The following TBC1D22B variants were observed in gnomAD, a reference collection of about 807,000 sequenced individuals.
TBC1D22B encodes the protein TBC1 domain family member 22B.
TBC1D22B carries 32 observed loss-of-function variants against 69.1 expected under a neutral mutation model. That is an observed-to-expected ratio of 0.46 (90% CI 0.35 to 0.62). TBC1D22B has a LOEUF of 0.62. Ranked by LOEUF, TBC1D22B falls within the 20% of genes least tolerant of loss-of-function variation. The pLI is 0.00. For missense variants in TBC1D22B, 462 were observed against 630.9 expected (o/e 0.73, Z 2.87); for synonymous variants, 206 against 229.8 (o/e 0.90, Z 0.94).
intron 8 of TBC1D22B, among the ~76,000 whole-genome samples, chr6:37,303,875 G>T (rs985108327): frequency 6.6e-6 from 1 of 152,106 alleles, no homozygotes; most frequent in Non-Finnish European, 1.5e-5. Flanking sequence ...TTTCTCCTGT[G>T]GCACTTTACC....
intron 3 of TBC1D22B, 74 bp from the exon 4 acceptor site, chr6:37,282,111 C>T (rs940501226): frequency 7.2e-6 from 11 of 1,520,744 alleles, no homozygotes; most frequent in South Asian, 5.6e-5. Context: ...CAATGCTGAA[C>T]GGTTAGGTTT....
At chr6:37,268,355 A>G (rs1469572724) in intron 1 of TBC1D22B, among the ~76,000 whole-genome samples, 2 of 152,008 alleles carry the variant, frequency 1.3e-5, no homozygotes, top group African/African-American at 2.4e-5. Flanking sequence ...CAGCCTCCCA[A>G]GTAGCTGAGG....
Position 37,327,147 on chromosome 6 carries a change from G to C in TBC1D22B, c.1390-3897G>C, listed in dbSNP as rs151268215. Among the ~76,000 whole-genome samples, 855 of 151,868 alleles carry C rather than the reference G, an allele frequency of 5.6e-3. 3 individuals carry two copies. Among genetic ancestry groups the C allele is most frequent in the Middle Eastern group, 0.017 (5 of 294 alleles). ...GAGTACATGGTGGCATGGGGGTGGG[G>C]GCATGTAGTATGGTCCAAGGTCAAC... On this transcript the variant is annotated intron_variant, in intron 12 of 12. Transcript: ENST00000373491.
intron 8 of TBC1D22B, among the ~76,000 whole-genome samples, chr6:37,309,716 C>G (rs568968869): frequency 6.6e-6 from 1 of 152,210 alleles, no homozygotes; most frequent in South Asian, 2.1e-4. Flanking sequence ...TCAAAGGAAA[C>G]AGTTCCTTGG....
At chr6:37,290,452 C>T (rs998699441) in intron 7 of TBC1D22B, among the ~76,000 whole-genome samples, 2 of 152,018 alleles carry the variant, frequency 1.3e-5, no homozygotes, top group African/African-American at 4.8e-5. Flanking sequence ...CTAATGAAAG[C>T]GAGGGGAGTA....
At chr6:37,282,775 GGT>G in intron 4 of TBC1D22B, 105 bp from the exon 5 acceptor site, 12 of 1,066,400 alleles carry the variant, frequency 1.1e-5, no homozygotes, top group Non-Finnish European at 1.7e-5. Flanking sequence ...AGCAGGTGGT[GGT>G]GGTGGTCTTA....
chr6:37,312,927 TGGAGA>T lies in TBC1D22B; in HGVS notation c.993_997del (p.Glu332LeufsTer2). On this transcript the variant is annotated frameshift_variant, in exon 9 of 13. Transcript: ENST00000373491. LOFTEE classifies it high-confidence loss of function. ...ACCTTTTGTTTTACAGAAGAGGATG[TGGAGA>T]ACTTTGACGTGACCAACTTGTCTCA... is the stretch of plus-strand genomic sequence containing the variant. 1 of 1,613,786 alleles carries T rather than the reference TGGAGA, an allele frequency of 6.2e-7. No individual in the cohort carries two copies. The highest frequency in any genetic ancestry group is 8.5e-7 in the Non-Finnish European group (1 of 1,179,682).
At position 37,326,795 on chromosome 6, in the gene TBC1D22B, A is replaced by T. The variant is rs923512127; in HGVS notation, c.1390-4249A>T. Among the ~76,000 whole-genome samples, 7 of 152,142 alleles carry T rather than the reference A, an allele frequency of 4.6e-5. 1 individual carries two copies. The highest frequency in any genetic ancestry group is 3.9e-4 in the Admixed American group (6 of 15,280). On this transcript the variant is annotated intron_variant, in intron 12 of 12. Coordinates refer to ENST00000373491, the MANE Select transcript of TBC1D22B (RefSeq NM_017772.4). ...GGAGCGAGACTACGTCTCAAAAAAA[A>T]ACAGAAAAAGAAATCTTACCACACA...
chr6:37,270,919 A>G (rs182998374), intron 2 of TBC1D22B, among the ~76,000 whole-genome samples: 29 of 152,258 alleles, frequency 1.9e-4, no homozygotes, highest in African/African-American at 3.8e-4. Context: ...GGAGACAGTG[A>G]GAAGATCAGT....
chr6:37,267,340 A>ATAAT (rs1766315819), intron 1 of TBC1D22B, among the ~76,000 whole-genome samples: 2 of 133,084 alleles, frequency 1.5e-5, no homozygotes, highest in African/African-American at 6.6e-5. Flanking sequence ...ACACATATAT[A>ATAAT]ATATATATAT....
chr6:37,278,216 A>G (rs1036378358), intron 2 of TBC1D22B, among the ~76,000 whole-genome samples: 40 of 152,202 alleles, frequency 2.6e-4, no homozygotes, highest in Admixed American at 3.9e-4. Context: ...GCTAGCAAAT[A>G]TATTGATTCT....
chr6:37,322,353 C>T (rs747637101), intron 12 of TBC1D22B, among the ~76,000 whole-genome samples: 2 of 152,122 alleles, frequency 1.3e-5, no homozygotes, highest in Non-Finnish European at 2.9e-5. Flanking sequence ...GCCTGGCCAA[C>T]GTGGTGAAAC....
chr6:37,282,848 G>A, intron 4 of TBC1D22B, 34 bp from the exon 5 acceptor site: 2 of 1,609,960 alleles, frequency 1.2e-6, no homozygotes, highest in Non-Finnish European at 1.7e-6. Flanking sequence ...CATTTGTGGA[G>A]AGTTAACCTA....
chr6:37,260,382 T>A (rs1022916155), intron 1 of TBC1D22B, among the ~76,000 whole-genome samples: 1 of 152,226 alleles, frequency 6.6e-6, no homozygotes, highest in Admixed American at 6.5e-5. Flanking sequence ...TGTCTGATCA[T>A]GATCCAACAA....
At chr6:37,326,842 A>T (rs552019959) in intron 12 of TBC1D22B, among the ~76,000 whole-genome samples, 4 of 152,274 alleles carry the variant, frequency 2.6e-5, no homozygotes, top group South Asian at 2.1e-4. Flanking sequence ...CACAAATTTT[A>T]AAAAAATTGA....
At chr6:37,269,518 A>G (rs192876720) in intron 1 of TBC1D22B, 76 bp from the exon 2 acceptor site, 2 of 1,409,668 alleles carry the variant, frequency 1.4e-6, no homozygotes, top group Admixed American at 1.7e-5. Flanking sequence ...CAATTTTGTG[A>G]TGCAGATGGC....
At chr6:37,279,885 G>C (rs1434118324) in intron 3 of TBC1D22B, among the ~76,000 whole-genome samples, 2 of 152,164 alleles carry the variant, frequency 1.3e-5, no homozygotes, top group Non-Finnish European at 2.9e-5. Context: ...CTTTCCCTGT[G>C]GTGGAGTCCA....
In TBC1D22B at chr6:37,282,277, G is replaced by T. The variant is rs149916828; in HGVS notation, c.514G>T (p.Ala172Ser). ...PLVARISDQN[A>S]SGAPPMTVRE... is the part of the protein sequence containing the mutation. ...CGTTGCCCGGATCTCGGATCAGAAC[G>T]CTTCTGGGGCCCCCCCAATGACTGT... The change falls in exon 4 of 13, where the codon GCT becomes TCT. Residue 172 changes from alanine to serine, a missense_variant. By Grantham distance (99) the Ala-to-Ser change is moderately conservative. Coordinates refer to ENST00000373491, the MANE Select transcript of TBC1D22B (RefSeq NM_017772.4). 6.2e-7 allele frequency: 1 copy of T among 1,613,958 alleles called. No individual in the cohort carries two copies. The highest frequency in any genetic ancestry group is 1.7e-5 in the Admixed American group (1 of 59,992).
intron 8 of TBC1D22B, among the ~76,000 whole-genome samples, chr6:37,305,766 C>T (rs1433251010): frequency 1.3e-5 from 2 of 152,182 alleles, no homozygotes; most frequent in Non-Finnish European, 2.9e-5. Flanking sequence ...GTGATCCACC[C>T]GTCTCGGCCT....
Sources: gnomAD v4.1 joint callset for allele counts (sites outside exome capture counted in the v4.1 genomes callset) on GRCh38, gnomAD v4.1.1 for gene constraint, MANE v1.5 for transcripts, NCBI Gene and HGNC (gene_info 2026-07-23, HGNC 2026-07-21) for gene names.